CORIN: variants seen among roughly 807,000 people sequenced by gnomAD.
CORIN encodes the protein atrial natriuretic peptide-converting enzyme.
CORIN carries 117 observed loss-of-function variants against 125.3 expected under a neutral mutation model. The observed-to-expected ratio is 0.93, with a 90% CI of 0.80 to 1.09. The LOEUF (loss-of-function observed/expected upper bound fraction) is 1.09, where lower values mean the gene tolerates loss of function less well. CORIN is among the 50% of genes least tolerant of loss of function. The pLI, the probability that CORIN is intolerant of heterozygous loss-of-function variation, is 0.00. For missense variants in CORIN, 1,253 were observed against 1,306.7 expected, an observed-to-expected ratio of 0.96 and a Z score of 0.63; for synonymous variants, 450 against 466.4, an observed-to-expected ratio of 0.96 and a Z score of 0.45.
At chr4:47,704,706 C>T (rs564404169) in intron 5 of CORIN, among the ~76,000 whole-genome samples, 2 of 152,234 alleles carry the variant, frequency 1.3e-5, no homozygotes, top group Admixed American at 1.3e-4. Context: ...ACAGAGTCTC[C>T]TCTAAAAACA....
At chr4:47,837,866 A>G in intron 1 of CORIN, 21 bp downstream of exon 1, 1 of 1,608,698 alleles carries the variant, frequency 6.2e-7, no homozygotes, top group Non-Finnish European at 8.5e-7. Flanking sequence ...CTGCGGTAGG[A>G]CAGCGAATCA....
chr4:47,614,977 A>G (rs193045403), intron 19 of CORIN, among the ~76,000 whole-genome samples: 1 of 152,344 alleles, frequency 6.6e-6, no homozygotes, highest in African/African-American at 2.4e-5. Context: ...TGACGGGGCA[A>G]TCACTTTGGC....
intron 2 of CORIN, among the ~76,000 whole-genome samples, chr4:47,805,541 T>A (rs141639581): frequency 6.6e-6 from 1 of 152,206 alleles, no homozygotes; most frequent in Non-Finnish European, 1.5e-5. Context: ...TCTGCCTTCA[T>A]TTCTTTCTGC....
intron 3 of CORIN, among the ~76,000 whole-genome samples, chr4:47,784,735 A>C (rs544707026): frequency 8.5e-5 from 13 of 152,394 alleles, no homozygotes; most frequent in South Asian, 6.2e-4. Flanking sequence ...TGCTTAAGAC[A>C]TGACTGAAAA....
chr4:47,673,663 T>C (rs1724873738), intron 10 of CORIN, among the ~76,000 whole-genome samples: 1 of 152,194 alleles, frequency 6.6e-6, no homozygotes, highest in Non-Finnish European at 1.5e-5. Context: ...TAGAGCCACC[T>C]GCTTACACCG....
chr4:47,786,722 T>C lies in CORIN; in HGVS notation c.409+3A>G, dbSNP rs1302297019. On this transcript the variant is annotated splice_donor_region_variant and intron_variant, in intron 3 of 21. Transcript: ENST00000273857. ...CTCTAGCATGTATCACCTTTGGACT[T>C]ACTTGTATTCCTGTGACTTTGGTCC... 2 of 1,613,020 alleles carry C rather than the reference T, an allele frequency of 1.2e-6. No individual in the cohort carries two copies. The highest frequency in any genetic ancestry group is 2.2e-5 in the South Asian group (2 of 91,046).
chr4:47,771,488 CATAG>C (rs2109886764), intron 3 of CORIN, among the ~76,000 whole-genome samples: 3 of 152,230 alleles, frequency 2.0e-5, no homozygotes, highest in African/African-American at 7.2e-5. Flanking sequence ...AGGTATATTA[CATAG>C]ATAAACTTGT....
intron 3 of CORIN, among the ~76,000 whole-genome samples, chr4:47,771,490 T>C (rs1488420678): frequency 6.6e-6 from 1 of 152,160 alleles, no homozygotes; most frequent in Non-Finnish European, 1.5e-5. Flanking sequence ...GTATATTACA[T>C]AGATAAACTT....
At chr4:47,663,464 G>A (rs1379130016) in intron 11 of CORIN, among the ~76,000 whole-genome samples, 3 of 151,988 alleles carry the variant, frequency 2.0e-5, no homozygotes, top group Non-Finnish European at 4.4e-5. Flanking sequence ...GATAGACACT[G>A]AAAATGAAAG....
intron 16 of CORIN, among the ~76,000 whole-genome samples, chr4:47,629,758 C>T (rs1722732556): frequency 6.6e-6 from 1 of 152,132 alleles, no homozygotes; most frequent in African/African-American, 2.4e-5. Flanking sequence ...TCCACCATAA[C>T]AGCTAACAGG....
chr4:47,669,631 C>T lies in CORIN; in HGVS notation c.1358-4368G>A, dbSNP rs189555587. 9.0e-3 allele frequency among the ~76,000 whole-genome samples: 1,362 copies of T among 150,804 alleles called. 7 individuals are homozygous for T. Among genetic ancestry groups the T allele is most frequent in the Middle Eastern group, 0.02 (6 of 294 alleles). ...TCACCCAGGCTGGAGTGCAGTGGCA[C>T]GATCTGGGCTCACTGCAAGCTCTGC... On this transcript the variant is annotated intron_variant, in intron 10 of 21. Transcript: ENST00000273857.
At chr4:47,778,809 T>C (rs1232040338) in intron 3 of CORIN, among the ~76,000 whole-genome samples, 2 of 152,116 alleles carry the variant, frequency 1.3e-5, no homozygotes, top group African/African-American at 4.8e-5. Flanking sequence ...CCAGAGCACA[T>C]GGGAATGGCG....
At chr4:47,600,742 T>G (rs1721419474) in intron 20 of CORIN, among the ~76,000 whole-genome samples, 1 of 152,330 alleles carries the variant, frequency 6.6e-6, no homozygotes, top group East Asian at 1.9e-4. Context: ...ATGATAGTCC[T>G]GCTCTGCTAA....
chr4:47,790,111 A>C, intron 2 of CORIN: 1 of 496,188 alleles, frequency 2.0e-6, no homozygotes, highest in African/African-American at 2.1e-5. Flanking sequence ...CTACATTTCT[A>C]TGTTTATTGT....
intron 12 of CORIN, among the ~76,000 whole-genome samples, chr4:47,658,953 G>A (rs1296150945): frequency 6.6e-6 from 1 of 152,206 alleles, no homozygotes; most frequent in African/African-American, 2.4e-5. Context: ...GACGCAGCCA[G>A]GCTATCTCTT....
At chr4:47,690,530 A>G (rs1280872263) in intron 6 of CORIN, among the ~76,000 whole-genome samples, 3 of 152,222 alleles carry the variant, frequency 2.0e-5, no homozygotes, top group African/African-American at 7.2e-5. Context: ...AGGCCACCTA[A>G]TATGACCCAT....
At chr4:47,725,340 G>A (rs1384707949) in intron 5 of CORIN, among the ~76,000 whole-genome samples, 1 of 152,060 alleles carries the variant, frequency 6.6e-6, no homozygotes, top group South Asian at 2.1e-4. Flanking sequence ...ACATAACACA[G>A]TGGAAAAACT....
At chr4:47,832,173 C>A (rs901489264) in intron 1 of CORIN, among the ~76,000 whole-genome samples, 9 of 152,034 alleles carry the variant, frequency 5.9e-5, no homozygotes, top group African/African-American at 2.2e-4. Flanking sequence ...GGCCATAAAG[C>A]TCATAGGGAG....
intron 13 of CORIN, among the ~76,000 whole-genome samples, chr4:47,649,265 C>T (rs1723627858): frequency 6.6e-6 from 1 of 152,196 alleles, no homozygotes; most frequent in Admixed American, 6.5e-5. Context: ...AAAGAGAGAA[C>T]ATCCAACCCA....
Sources: gnomAD v4.1 joint callset for allele counts (sites outside exome capture counted in the v4.1 genomes callset) on GRCh38, gnomAD v4.1.1 for gene constraint, MANE v1.5 for transcripts, NCBI Gene and HGNC (gene_info 2026-07-23, HGNC 2026-07-21) for gene names.